Variants in NRXN3 observed in about 807,000 individuals in gnomAD.
NRXN3 encodes the protein neurexin III.
Under a neutral mutation model 137.6 loss-of-function variants are expected in NRXN3, and 32 were observed. The ratio of observed to expected loss-of-function variants is 0.23; its 90% confidence interval spans 0.18 to 0.31. NRXN3 has a LOEUF of 0.31. NRXN3 is among the 10% of genes least tolerant of loss of function. The pLI is 1.00. For missense variants in NRXN3, 1,574 were observed against 2,062.5 expected, an observed-to-expected ratio of 0.76 and a Z score of 4.59; for synonymous variants, 798 against 784.5, an observed-to-expected ratio of 1.02 and a Z score of -0.29.
intron 15 of NRXN3, among the ~76,000 whole-genome samples, chr14:79,144,062 A>T (rs1014641890): frequency 1.3e-5 from 2 of 152,204 alleles, no homozygotes; most frequent in Non-Finnish European, 2.9e-5. Context: ...AATAGCCAAG[A>T]AGGCACTTAC....
chr14:79,208,988 G>A (rs1431936182), intron 15 of NRXN3, among the ~76,000 whole-genome samples: 1 of 152,130 alleles, frequency 6.6e-6, no homozygotes, highest in Non-Finnish European at 1.5e-5. Context: ...ACCCAGGCTG[G>A]AGTGCAGTGG....
intron 16 of NRXN3, among the ~76,000 whole-genome samples, chr14:79,558,885 C>G (rs2097459353): frequency 6.6e-6 from 1 of 152,172 alleles, no homozygotes; most frequent in Non-Finnish European, 1.5e-5. Context: ...GAATAGCTTG[C>G]TGCAGCTTCT....
chr14:79,770,029 G>A (rs1053807985), intron 19 of NRXN3, among the ~76,000 whole-genome samples: 1 of 151,690 alleles, frequency 6.6e-6, no homozygotes. Context: ...GACAAAGAAG[G>A]CCATTACATA....
At chr14:78,856,658 T>C (rs1458694249) in intron 10 of NRXN3, among the ~76,000 whole-genome samples, 3 of 152,184 alleles carry the variant, frequency 2.0e-5, no homozygotes, top group East Asian at 1.9e-4. Context: ...TTCAAATATT[T>C]ATTCTGCCCT....
chr14:78,441,135 T>A (rs2094231670), intron 4 of NRXN3, among the ~76,000 whole-genome samples: 1 of 152,138 alleles, frequency 6.6e-6, no homozygotes, highest in African/African-American at 2.4e-5. Context: ...AGTTGATGGC[T>A]AGATCAAGAA....
intron 10 of NRXN3, among the ~76,000 whole-genome samples, chr14:78,887,975 G>T (rs183423786): frequency 1.3e-5 from 2 of 152,080 alleles, no homozygotes; most frequent in African/African-American, 4.8e-5. Flanking sequence ...CCTCTGGGCC[G>T]TCTTTATTTA....
intron 10 of NRXN3, among the ~76,000 whole-genome samples, chr14:78,901,945 T>C (rs922226536): frequency 2.6e-5 from 4 of 152,074 alleles, no homozygotes; most frequent in Non-Finnish European, 5.9e-5. Context: ...GAGCCAGCAA[T>C]CCATCTTACT....
intron 2 of NRXN3, among the ~76,000 whole-genome samples, chr14:78,250,955 A>G (rs899413454): frequency 5.3e-5 from 8 of 152,106 alleles, no homozygotes; most frequent in Non-Finnish European, 1.2e-4. Context: ...CCAGAGAGAG[A>G]GAGAGAGAGA....
At chr14:78,266,056 C>T (rs2071647766) in intron 2 of NRXN3, among the ~76,000 whole-genome samples, 2 of 152,148 alleles carry the variant, frequency 1.3e-5, no homozygotes, top group Admixed American at 6.5e-5. Flanking sequence ...ACTTGAAGTC[C>T]TAAGACTCTT....
At chr14:78,562,117 G>T (rs563179860) in intron 4 of NRXN3, among the ~76,000 whole-genome samples, 1 of 152,236 alleles carries the variant, frequency 6.6e-6, no homozygotes, top group Non-Finnish European at 1.5e-5. Flanking sequence ...CGCTGAGGCA[G>T]GTGGGGCACG....
At chr14:79,810,444 T>G (rs2099227853) in intron 20 of NRXN3, among the ~76,000 whole-genome samples, 1 of 152,182 alleles carries the variant, frequency 6.6e-6, no homozygotes, top group Admixed American at 6.5e-5. Flanking sequence ...CTAAGCAGCT[T>G]TCATAATGGT....
chr14:78,181,040 A>G (rs983307827), intron 1 of NRXN3, among the ~76,000 whole-genome samples: 1 of 152,132 alleles, frequency 6.6e-6, no homozygotes, highest in East Asian at 1.9e-4. Context: ...TTGCTAACTG[A>G]TAGTTTGGAA....
intron 8 of NRXN3, among the ~76,000 whole-genome samples, chr14:78,756,317 A>C (rs947004520): frequency 1.1e-4 from 16 of 152,092 alleles, no homozygotes; most frequent in Admixed American, 5.2e-4. Context: ...GCAAAACCCT[A>C]TCTCTACTAA....
chr14:78,770,103 G>C (rs972380597), intron 8 of NRXN3, among the ~76,000 whole-genome samples: 1 of 152,174 alleles, frequency 6.6e-6, no homozygotes, highest in South Asian at 2.1e-4. Flanking sequence ...TTAACACAAC[G>C]GGGTGATAGG....
intron 15 of NRXN3, among the ~76,000 whole-genome samples, chr14:79,167,989 G>A (rs1343304333): frequency 6.7e-6 from 1 of 149,004 alleles, no homozygotes; most frequent in Non-Finnish European, 1.5e-5. Flanking sequence ...AAAAGAGATG[G>A]AGAAACCAGC....
At chr14:79,185,449 G>A (rs1038557044) in intron 15 of NRXN3, among the ~76,000 whole-genome samples, 2 of 148,242 alleles carry the variant, frequency 1.3e-5, no homozygotes, top group Non-Finnish European at 3.0e-5. Flanking sequence ...TATGATTTGA[G>A]CAATTTCACA....
At chr14:79,192,496 C>T (rs910333773) in intron 15 of NRXN3, among the ~76,000 whole-genome samples, 15 of 152,174 alleles carry the variant, frequency 9.9e-5, no homozygotes, top group African/African-American at 3.1e-4. Context: ...TTCCAGTACA[C>T]ATATGCAATA....
intron 4 of NRXN3, among the ~76,000 whole-genome samples, chr14:78,323,610 A>G (rs1273273132): frequency 6.6e-6 from 1 of 152,070 alleles, no homozygotes; most frequent in African/African-American, 2.4e-5. Flanking sequence ...AGGGGAATAG[A>G]TCGATGGATA....
intron 4 of NRXN3, among the ~76,000 whole-genome samples, chr14:78,404,080 G>A (rs919072017): frequency 3.9e-5 from 6 of 152,104 alleles, no homozygotes; most frequent in African/African-American, 7.2e-5. Flanking sequence ...AGAAAGGGAA[G>A]GGGACTCAGG....
Sources: gnomAD v4.1 joint callset for allele counts (sites outside exome capture counted in the v4.1 genomes callset) on GRCh38, gnomAD v4.1.1 for gene constraint, MANE v1.5 for transcripts, NCBI Gene and HGNC (gene_info 2026-07-23, HGNC 2026-07-21) for gene names.